The following SCNN1B variants were observed in gnomAD, a reference collection of about 807,000 sequenced individuals.
SCNN1B encodes epithelial sodium channel subunit beta.
In SCNN1B, 46 loss-of-function variants were observed where a neutral mutation model predicts 65.3. The ratio of observed to expected loss-of-function variants is 0.70; its 90% confidence interval spans 0.56 to 0.90. The LOEUF (loss-of-function observed/expected upper bound fraction) is 0.90, where lower values mean the gene tolerates loss of function less well. Among genes scored for constraint, SCNN1B ranks in the 40% least tolerant of loss-of-function variants. SCNN1B has a pLI of 0.00. For synonymous variants in SCNN1B, 349 were observed against 330.6 expected, an observed-to-expected ratio of 1.06 and a Z score of -0.60; for missense variants, 751 against 830.5, an observed-to-expected ratio of 0.90 and a Z score of 1.18.
rs200738425 is a variant in SCNN1B, at chr16:23,343,581, G to GAGAAAGAAAGAAAGAA, written c.-8-4957_-8-4942dup. Among the ~76,000 whole-genome samples, 554 of 70,372 alleles carry GAGAAAGAAAGAAAGAA rather than the reference G, an allele frequency of 7.9e-3. 11 individuals carry two copies. The highest frequency in any genetic ancestry group is 9.2e-3 in the Non-Finnish European group (352 of 38,414). 46.2% of individuals were successfully genotyped at this position (70,372 alleles called of 152,430 possible). ...GAAGGAAAAAAGAAAGAAAGAAAAAGAGAAAGAAAGAAAGAAAGAAAGAAA... is the reference window on the plus strand; with the variant it reads ...GAAGGAAAAAAGAAAGAAAGAAAAAGAGAAAGAAAGAAAGAAAGAAAGAAAGAAAGAAAGAAAGAAA... On this transcript the variant is annotated intron_variant, in intron 1 of 12. Transcript: ENST00000343070.
At chr16:23,330,669 C>T (rs530148853) in intron 1 of SCNN1B, among the ~76,000 whole-genome samples, 1 of 152,060 alleles carries the variant, frequency 6.6e-6, no homozygotes, top group Admixed American at 6.6e-5. Context: ...AACCCCTGGG[C>T]TTAAGTGATC....
At chr16:23,305,636 A>G (rs1194391421) in intron 1 of SCNN1B, among the ~76,000 whole-genome samples, 1 of 140,932 alleles carries the variant, frequency 7.1e-6, no homozygotes, top group East Asian at 2.1e-4. Flanking sequence ...AGTCCCAGCT[A>G]CAGGGGAAGC....
rs760583536 is a variant in SCNN1B, at chr16:23,355,256, C to T, written c.586-43C>T. 49 of 1,599,668 alleles carry T rather than the reference C, an allele frequency of 3.1e-5. No homozygotes were observed. The Middle Eastern group carries it at 2.8e-3, about 91-fold the overall frequency. ...CGAGCAGTGGCTGGGGTCCTGCTAG[C>T]AGCTCCCACGCCACCCACAAAAACC... is the stretch of plus-strand genomic sequence containing the variant. On this transcript the variant is annotated intron_variant, in intron 3 of 12. Transcript: ENST00000343070.
chr16:23,278,940 T>TA (rs1430961447), intron 1 of SCNN1B, among the ~76,000 whole-genome samples: 2 of 145,948 alleles, frequency 1.4e-5, no homozygotes, highest in Non-Finnish European at 3.0e-5. Flanking sequence ...AACTTGCCTC[T>TA]AAAAAAATAA....
intron 1 of SCNN1B, among the ~76,000 whole-genome samples, chr16:23,316,892 A>G (rs1217655719): frequency 3.5e-4 from 53 of 151,974 alleles, no homozygotes; most frequent in Admixed American, 3.5e-3. Flanking sequence ...GACCACCATC[A>G]CCCTCACCAT....
chr16:23,345,840 G>T (rs549854480), intron 1 of SCNN1B, among the ~76,000 whole-genome samples: 1 of 152,216 alleles, frequency 6.6e-6, no homozygotes, highest in Non-Finnish European at 1.5e-5. Flanking sequence ...GCTCTCAGAG[G>T]GGGTGAGGGT....
chr16:23,336,534 G>A (rs1961946483), intron 1 of SCNN1B, among the ~76,000 whole-genome samples: 1 of 152,116 alleles, frequency 6.6e-6, no homozygotes. Context: ...ACCATGCCCA[G>A]CTAATTTGTG....
intron 1 of SCNN1B, among the ~76,000 whole-genome samples, chr16:23,304,516 C>A (rs974606106): frequency 6.6e-6 from 1 of 152,200 alleles, no homozygotes; most frequent in East Asian, 1.9e-4. Flanking sequence ...GAGGTTCCAT[C>A]GGGGCCACCT....
chr16:23,375,764 C>T lies in SCNN1B; in HGVS notation c.1179C>T (p.Asp393=), dbSNP rs1962879593. ...CCTGTCTTCGCTCCTGCTTCCAAGA[C>T]CACATGATCCGTAACTGCAACTGTG... ...IQACLRSCFQ[D]HMIRNCNCGH... is the part of the protein sequence containing the mutation. Residue 393 remains aspartate (D), a synonymous_variant, in exon 8 of 13, where the codon GAC becomes GAT. Coordinates refer to ENST00000343070, the MANE Select transcript of SCNN1B (RefSeq NM_000336.3). 1 of 1,613,968 alleles carries T rather than the reference C, an allele frequency of 6.2e-7. No homozygotes were observed. The highest frequency in any genetic ancestry group is 8.5e-7 in the Non-Finnish European group (1 of 1,179,942).
intron 1 of SCNN1B, among the ~76,000 whole-genome samples, chr16:23,322,358 T>C (rs2141995169): frequency 6.6e-6 from 1 of 152,248 alleles, no homozygotes; most frequent in East Asian, 1.9e-4. Context: ...TAGAGTGCAG[T>C]GACATGATCA....
intron 2 of SCNN1B, among the ~76,000 whole-genome samples, chr16:23,289,252 T>C (rs560377008): frequency 6.8e-4 from 104 of 152,272 alleles, no homozygotes; most frequent in Admixed American, 1.4e-3. Context: ...TGGCTCTGTG[T>C]GGAGACTCTA....
chr16:23,323,926 A>G (rs1961639343), intron 1 of SCNN1B, among the ~76,000 whole-genome samples: 1 of 152,144 alleles, frequency 6.6e-6, no homozygotes, highest in Non-Finnish European at 1.5e-5. Flanking sequence ...GCAACCACCT[A>G]CACATTTCAT....
At chr16:23,279,313 C>T (rs1596801587) in intron 1 of SCNN1B, among the ~76,000 whole-genome samples, 4 of 152,260 alleles carry the variant, frequency 2.6e-5, no homozygotes, top group Admixed American at 2.6e-4. Flanking sequence ...CTCCTGGGCT[C>T]AAGTGATCTG....
chr16:23,290,432 C>T (rs913757872), intron 2 of SCNN1B, among the ~76,000 whole-genome samples: 4 of 152,114 alleles, frequency 2.6e-5, no homozygotes, highest in Admixed American at 1.3e-4. Flanking sequence ...CTCAGCCTCC[C>T]GAGTAGCTGG....
chr16:23,354,943 C>T (rs917455428), intron 3 of SCNN1B, among the ~76,000 whole-genome samples: 3 of 152,134 alleles, frequency 2.0e-5, no homozygotes, highest in African/African-American at 7.2e-5. Flanking sequence ...CACTGAGTCA[C>T]CCTCCCTTGA....
chr16:23,323,789 AG>A (rs1785086012), intron 1 of SCNN1B, among the ~76,000 whole-genome samples: 1 of 152,206 alleles, frequency 6.6e-6, no homozygotes. Context: ...AGTTTCTGAC[AG>A]GAGCATGACA....
intron 10 of SCNN1B, 119 bp from the exon 11 acceptor site, chr16:23,378,587 A>G (rs1277288536): frequency 1.2e-5 from 10 of 868,180 alleles, no homozygotes; most frequent in Non-Finnish European, 1.4e-5. Context: ...CCAAATTGTG[A>G]TTCCCCCGGG....
At position 23,380,558 on chromosome 16, in the gene SCNN1B, G is replaced by T. The variant is rs749359645; in HGVS notation, c.1680G>T (p.Lys560Asn). The change falls in exon 13 of 13, where the codon AAG (lysine) becomes AAT (asparagine). Residue 560 changes from lysine (K) to asparagine (N), a missense_variant. Coordinates refer to ENST00000343070, the MANE Select transcript of SCNN1B (RefSeq NM_000336.3). This position sits in a 1 kb window ranked among gnomAD's most constrained non-coding sequence, Gnocchi z 5.4. The stretch of plus-strand genomic sequence containing the variant: ...TCATCAAGCTGGTGGCCTTGGCCAA[G>T]AGCCTACGGCAGCGGCGAGCCCAAG... ...ITIIKLVALA[K>N]SLRQRRAQAS... is the part of the protein sequence containing the mutation. 1.2e-6 allele frequency: 2 copies of T among 1,614,224 alleles called. No individual in the cohort carries two copies. Among genetic ancestry groups the T allele is most frequent in the Non-Finnish European group, 1.7e-6 (2 of 1,180,036 alleles).
At chr16:23,355,510 A>G in intron 4 of SCNN1B, 21 bp downstream of exon 4, 2 of 1,612,148 alleles carry the variant, frequency 1.2e-6, no homozygotes, top group East Asian at 4.5e-5. Context: ...CCCCAAGCCC[A>G]CCCGGCCAGG....
Sources: allele counts gnomAD v4.1 joint callset (sites outside exome capture counted in the v4.1 genomes callset), GRCh38; gene constraint gnomAD v4.1.1; non-coding constraint Gnocchi (gnomAD v3.1); transcripts MANE v1.5; gene names NCBI Gene and HGNC (gene_info 2026-07-23, HGNC 2026-07-21).